The following PCNA variants were observed in gnomAD, a reference collection of about 807,000 sequenced individuals.
PCNA encodes the protein DNA sliding clamp PCNA.
Under a neutral mutation model 27.8 loss-of-function variants are expected in PCNA, and 4 were observed. The observed-to-expected ratio is 0.14, with a 90% CI of 0.07 to 0.33. The LOEUF is 0.33. PCNA is among the 10% of genes least tolerant of loss of function. The pLI, the probability that PCNA is intolerant of heterozygous loss-of-function variation, is 1.00. For missense variants in PCNA, 165 were observed against 327.4 expected, an observed-to-expected ratio of 0.50 and a Z score of 3.83; for synonymous variants, 121 against 119.4, an observed-to-expected ratio of 1.01 and a Z score of -0.09.
upstream of PCNA, among the ~76,000 whole-genome samples, chr20:5,120,179 A>G (rs903774370): frequency 1.3e-5 from 2 of 152,202 alleles, no homozygotes; most frequent in African/African-American, 4.8e-5. Flanking sequence ...GCCGCAGAAC[A>G]AGTCCGGGCA....
At chr20:5,121,990 T>G (rs1227598020), upstream of PCNA, among the ~76,000 whole-genome samples, 2 of 150,970 alleles carry the variant, frequency 1.3e-5, no homozygotes, top group African/African-American at 2.4e-5. Context: ...TTTTTCTTTT[T>G]TTTTTTTCTG....
At chr20:5,117,211 A>C (rs537744582) in intron 4 of PCNA, among the ~76,000 whole-genome samples, 37 of 152,164 alleles carry the variant, frequency 2.4e-4, no homozygotes, top group African/African-American at 6.5e-4. Flanking sequence ...TCCCAATCCT[A>C]CCCTTAAGAG....
intron 4 of PCNA, 93 bp downstream of exon 4, chr20:5,117,377 C>T: frequency 1.2e-6 from 1 of 843,444 alleles, no homozygotes; most frequent in Non-Finnish European, 1.8e-6. Flanking sequence ...ACTTGGGATC[C>T]AATTCTGTCT....
upstream of PCNA, among the ~76,000 whole-genome samples, chr20:5,120,543 T>TAC (rs1215963702): frequency 1.3e-4 from 19 of 142,866 alleles, no homozygotes; most frequent in South Asian, 3.6e-3. Context: ...AAAGTTCGAA[T>TAC]ACACTTTTTT....
rs2090484561 is a variant in PCNA, at chr20:5,117,679, A to T, written c.388-15T>A. On this transcript the variant is annotated splice_polypyrimidine_tract_variant and intron_variant, in intron 3 of 5. Transcript: ENST00000379143. Reference sequence around the variant, plus strand: ...TACTCCTGTTCCTATTAAGAACAAAAATTTTCCAAAAGTTAATTGTTAGAA... The same window carrying T: ...TACTCCTGTTCCTATTAAGAACAAATATTTTCCAAAAGTTAATTGTTAGAA... The T allele has an allele frequency of 2.0e-6, 3 of 1,512,132 alleles. No individual in the cohort carries two copies. The highest frequency in any genetic ancestry group is 2.7e-6 in the Non-Finnish European group (3 of 1,125,762). 93.7% of individuals were successfully genotyped at this position (1,512,132 alleles called of 1,614,324 possible).
chr20:5,121,930 C>G (rs1158550506), upstream of PCNA, among the ~76,000 whole-genome samples: 1 of 150,852 alleles, frequency 6.6e-6, no homozygotes, highest in African/African-American at 2.4e-5. Flanking sequence ...CAGCCTCAAA[C>G]TGTTACACAA....
At chr20:5,124,636 A>C (rs1329887817), upstream of PCNA, among the ~76,000 whole-genome samples, 1 of 152,058 alleles carries the variant, frequency 6.6e-6, no homozygotes, top group Non-Finnish European at 1.5e-5. Context: ...CTAAAAAAAA[A>C]AAACAAAAAA....
Position 5,119,857 on chromosome 20 carries a change from G to A in PCNA, c.-59C>T, listed in dbSNP as rs948407611. The A allele has an allele frequency of 2.1e-6, 3 of 1,407,056 alleles. No individual in the cohort carries two copies. Among genetic ancestry groups the A allele is most frequent in the Non-Finnish European group, 2.0e-6 (2 of 1,021,050 alleles). The allele number at this position is 1,407,056 out of a possible 1,614,324, so 87.2% of individuals were successfully genotyped here. A position where few individuals can be genotyped will look rare whatever the true frequency, so the allele number is the denominator to read the frequency against. On this transcript the variant is annotated 5_prime_UTR_variant, in exon 1 of 6. Coordinates refer to ENST00000379143, the MANE Select transcript of PCNA (RefSeq NM_182649.2). ...GGCGGGAAGGAGGAAAGTCTAGCTG[G>A]TTTCGGCTTCAGGAGCCTCAGAGCG...
chr20:5,119,933 C>G lies in PCNA; in HGVS notation c.-135G>C. The G allele has an allele frequency of 1.5e-6, 1 of 684,202 alleles. No homozygotes were observed. The highest frequency in any genetic ancestry group is 2.5e-6 in the Non-Finnish European group (1 of 398,626). The allele number at this position is 684,202 out of a possible 1,614,324, so 42.4% of individuals were successfully genotyped here. A position where few individuals can be genotyped will look rare whatever the true frequency, so the allele number is the denominator to read the frequency against. On this transcript the variant is annotated 5_prime_UTR_variant, in exon 1 of 6. Coordinates refer to ENST00000379143, the MANE Select transcript of PCNA (RefSeq NM_182649.2). ...CTGAGACCTAGAAAGACAACGACCA[C>G]TCTGCTACGCCTGCAACCGTTTAAT...
chr20:5,124,974 T>G (rs1253924057), intron 1 of PCNA, among the ~76,000 whole-genome samples: 4 of 152,328 alleles, frequency 2.6e-5, no homozygotes, highest in African/African-American at 7.2e-5. Flanking sequence ...GACACTCACT[T>G]AGATATGACC....
chr20:5,121,985 CTTTTTT>C (rs34987280), upstream of PCNA, among the ~76,000 whole-genome samples: 1 of 125,374 alleles, frequency 8.0e-6, no homozygotes, highest in East Asian at 2.4e-4. Context: ...TTTTCTTTTT[CTTTTTT>C]TTTTTTCTGA....
intron 1 of PCNA, among the ~76,000 whole-genome samples, chr20:5,119,255 C>T (rs539354593): frequency 6.6e-6 from 1 of 152,286 alleles, no homozygotes; most frequent in South Asian, 2.1e-4. Flanking sequence ...AAGAAAGCCA[C>T]AGCTAAAGCG....
At position 5,119,770 on chromosome 20, in the gene PCNA, G is replaced by A. The variant is rs1435159800; in HGVS notation, c.29C>T (p.Ser10Phe). Residue 10 changes from serine to phenylalanine, a missense_variant, in exon 1 of 6, where the codon TCC becomes TTC. By Grantham distance (155) the Ser-to-Phe change is radical. Transcript: ENST00000379143. Reference sequence around the variant, plus strand: ...TGCCTCCAACACCTTCTTGAGGATGGAGCCCTGGACCAGGCGCGCCTCGAA... The same window carrying A: ...TGCCTCCAACACCTTCTTGAGGATGAAGCCCTGGACCAGGCGCGCCTCGAA... The part of the protein sequence containing the change: MFEARLVQG[S>F]ILKKVLEALK... 2.5e-6 allele frequency: 4 copies of A among 1,578,208 alleles called. No homozygotes were observed. Among genetic ancestry groups the A allele is most frequent in the Non-Finnish European group, 3.4e-6 (4 of 1,162,002 alleles).
At chr20:5,115,596 T>A (rs766888224) in intron 4 of PCNA, 24 bp from the exon 5 acceptor site, 1 of 1,603,546 alleles carries the variant, frequency 6.2e-7, no homozygotes, top group Admixed American at 1.7e-5. Context: ...GATTCATCAT[T>A]GAAAAACATC....
intron 1 of PCNA, 36 bp from the exon 2 acceptor site, chr20:5,118,902 C>T: frequency 1.4e-6 from 2 of 1,443,752 alleles, no homozygotes; most frequent in Non-Finnish European, 1.9e-6. Context: ...AAAATCAACG[C>T]CGTCTGCTGA....
intron 1 of PCNA, among the ~76,000 whole-genome samples, chr20:5,125,900 C>A (rs2090544703): frequency 6.6e-6 from 1 of 151,920 alleles, no homozygotes; most frequent in Non-Finnish European, 1.5e-5. Flanking sequence ...CACTTCTGTC[C>A]CAAAAAAGGT....
rs748312402 is a variant in PCNA at position 5,115,583 on chromosome 20, A to G, written c.583-11T>C. On this transcript the variant is annotated splice_polypyrimidine_tract_variant and intron_variant, in intron 4 of 5. Transcript: ENST00000379143. Reference sequence around the variant, plus strand: ...CATCTCTATGGTAACCTACAAAACAAAAGATTCATCATTGAAAAACATCAA... The same window carrying G: ...CATCTCTATGGTAACCTACAAAACAGAAGATTCATCATTGAAAAACATCAA... The G allele has an allele frequency of 6.2e-7, 1 of 1,609,614 alleles. No homozygotes were observed. The highest frequency in any genetic ancestry group is 2.2e-5 in the East Asian group (1 of 44,846).
intron 5 of PCNA, 30 bp downstream of exon 5, chr20:5,115,419 A>G (rs761232690): frequency 2.1e-5 from 34 of 1,613,866 alleles, no homozygotes; most frequent in Non-Finnish European, 2.9e-5. Context: ...ATGACTACCT[A>G]CAAAACAAGG....
At chr20:5,120,764 A>C (rs976950834), upstream of PCNA, among the ~76,000 whole-genome samples, 8 of 152,144 alleles carry the variant, frequency 5.3e-5, no homozygotes, top group Admixed American at 5.2e-4. Context: ...CCTTGAAGTA[A>C]TACAGCTGAG....
Sources: allele counts gnomAD v4.1 joint callset (sites outside exome capture counted in the v4.1 genomes callset), GRCh38; gene constraint gnomAD v4.1.1; transcripts MANE v1.5; gene names NCBI Gene and HGNC (gene_info 2026-07-23, HGNC 2026-07-21).